Variants in SH2B3 observed in about 807,000 individuals in gnomAD.
SH2B3 encodes the protein SH2B adaptor protein 3, also known as SH2B adapter protein 3.
A neutral mutation model predicts 51.9 loss-of-function variants in SH2B3; 43 were observed. That is an observed-to-expected ratio of 0.83 (90% CI 0.65 to 1.07). SH2B3 has a LOEUF of 1.07. Ranked by LOEUF, SH2B3 falls within the 50% of genes least tolerant of loss-of-function variation. The pLI is 0.00. For missense variants in SH2B3, 952 were observed against 834.3 expected, an observed-to-expected ratio of 1.14 and a Z score of -1.74; for synonymous variants, 396 against 376.0, an observed-to-expected ratio of 1.05 and a Z score of -0.62.
rs1480253582 is a variant in SH2B3, at chr12:111,429,240, G to C, written c.732+10363G>C. Among the ~76,000 whole-genome samples the C allele has an allele frequency of 6.6e-6, 1 of 152,210 alleles. No individual in the cohort carries two copies. The highest frequency in any genetic ancestry group is 2.4e-5 in the African/African-American group (1 of 41,448). ...CCAGGATCAACTGAGTGCTGTCTGG[G>C]AAGCACCTAGAGCTGTGCCCAACAC... On this transcript the variant is annotated intron_variant, in intron 2 of 7. Transcript: ENST00000341259. The surrounding 1 kb of genome is among the most constrained non-coding windows in gnomAD (Gnocchi z 4.4).
intron 2 of SH2B3, among the ~76,000 whole-genome samples, chr12:111,441,737 A>G (rs753528427): frequency 3.9e-5 from 6 of 152,102 alleles, no homozygotes; most frequent in Non-Finnish European, 5.9e-5. Flanking sequence ...GACTTCTCAG[A>G]GTCTTTAATG....
At chr12:111,412,707 C>A (rs1013772551) in intron 1 of SH2B3, among the ~76,000 whole-genome samples, 3 of 152,202 alleles carry the variant, frequency 2.0e-5, no homozygotes, top group Admixed American at 2.0e-4. Context: ...GTAGCTGGGA[C>A]TACAGGCCCA....
At chr12:111,426,804 A>G (rs1671354600) in intron 2 of SH2B3, among the ~76,000 whole-genome samples, 1 of 152,132 alleles carries the variant, frequency 6.6e-6, no homozygotes, top group Admixed American at 6.6e-5. Flanking sequence ...AGATGAGGAA[A>G]CTGAGGCACT....
At chr12:111,417,718 A>T (rs1005108325) in intron 1 of SH2B3, among the ~76,000 whole-genome samples, 4 of 152,012 alleles carry the variant, frequency 2.6e-5, no homozygotes, top group African/African-American at 9.7e-5. Context: ...CAGCCTCCCA[A>T]AGTGCTGGGA....
In SH2B3 at chr12:111,418,490, G is replaced by T; in HGVS notation, c.345G>T (p.Leu115=). ...EPGPGPAAPG[L]PKARSSEELA... ...GCCCCGGCCCCGCCGCCCCTGGCCT[G>T]CCCAAGGCCCGCAGCTCTGAGGAGC... Residue 115 remains leucine, a synonymous_variant, in exon 2 of 8, where the codon CTG becomes CTT. Coordinates refer to ENST00000341259, the MANE Select transcript of SH2B3 (RefSeq NM_005475.3). This position sits in a 1 kb window ranked among gnomAD's most constrained non-coding sequence, Gnocchi z 6.7. 7.3e-7 allele frequency: 1 copy of T among 1,372,440 alleles called. No individual in the cohort carries two copies. The highest frequency in any genetic ancestry group is 9.4e-7 in the Non-Finnish European group (1 of 1,067,290). The allele number at this position is 1,372,440 out of a possible 1,614,324, so 85.0% of individuals were successfully genotyped here.
rs1383203505 is a variant in SH2B3, at chr12:111,406,535, G to A, written c.-28+258G>A. On this transcript the variant is annotated intron_variant, in intron 1 of 7. Transcript: ENST00000341259. The surrounding 1 kb of genome is among the most constrained non-coding windows in gnomAD (Gnocchi z 5.7). Reference sequence around the variant, plus strand: ...AACTGAGGCCGTGGGATGGGGGAGAGGGCATCGCTGACGCCCCCAGCCCAC... The same window carrying A: ...AACTGAGGCCGTGGGATGGGGGAGAAGGCATCGCTGACGCCCCCAGCCCAC... 2.6e-5 allele frequency among the ~76,000 whole-genome samples: 4 copies of A among 152,320 alleles called. No homozygotes were observed. In the South Asian group the frequency reaches 6.2e-4, roughly 24 times the overall value.
intron 2 of SH2B3, among the ~76,000 whole-genome samples, chr12:111,433,196 C>A (rs1429673671): frequency 1.3e-5 from 2 of 152,002 alleles, no homozygotes; most frequent in African/African-American, 4.8e-5. Context: ...TACTAAAAAT[C>A]AAAAATTAGC....
intron 1 of SH2B3, among the ~76,000 whole-genome samples, chr12:111,411,977 G>A (rs1024760814): frequency 6.6e-6 from 1 of 152,120 alleles, no homozygotes; most frequent in African/African-American, 2.4e-5. Flanking sequence ...GCCCCTCTGT[G>A]GGGAAGGTGG....
chr12:111,431,347 G>T (rs1031993468), intron 2 of SH2B3, among the ~76,000 whole-genome samples: 1 of 152,172 alleles, frequency 6.6e-6, no homozygotes, highest in African/African-American at 2.4e-5. Context: ...CACCTGGAAG[G>T]GGGCCCTGCC....
chr12:111,417,448 A>G (rs946074627), intron 1 of SH2B3, among the ~76,000 whole-genome samples: 9 of 145,786 alleles, frequency 6.2e-5, no homozygotes, highest in Admixed American at 1.3e-4. Context: ...TGCTTGTCAT[A>G]TAGGGCCTTT....
intron 2 of SH2B3, among the ~76,000 whole-genome samples, chr12:111,421,266 C>T (rs1320726803): frequency 6.6e-6 from 1 of 152,040 alleles, no homozygotes; most frequent in Non-Finnish European, 1.5e-5. Context: ...CCTCAGCCTC[C>T]CCAGTAGCTG....
intron 2 of SH2B3, chr12:111,434,681 ATAAT>A (rs1872714424): frequency 3.1e-6 from 2 of 643,814 alleles, no homozygotes. Context: ...GATCAGATAA[ATAAT>A]TATTTAGGTT....
chr12:111,421,920 A>T (rs1871593523), intron 2 of SH2B3, among the ~76,000 whole-genome samples: 1 of 152,236 alleles, frequency 6.6e-6, no homozygotes, highest in South Asian at 2.1e-4. Context: ...TAGAAGTGGC[A>T]TTGCTCAGTC....
At chr12:111,432,784 T>C (rs1427142785) in intron 2 of SH2B3, among the ~76,000 whole-genome samples, 1 of 152,256 alleles carries the variant, frequency 6.6e-6, no homozygotes, top group Non-Finnish European at 1.5e-5. Context: ...TGTGTCTGGC[T>C]TCCTTCACTT....
intron 2 of SH2B3, among the ~76,000 whole-genome samples, chr12:111,441,584 T>A (rs1873410858): frequency 6.6e-6 from 1 of 152,092 alleles, no homozygotes; most frequent in Non-Finnish European, 1.5e-5. Context: ...AGAGAATGGC[T>A]GAGACGCACC....
rs1324151676 is a variant in SH2B3 at position 111,447,688 on chromosome 12, G to A, written c.1269G>A (p.Gln423=). 3 of 1,613,598 alleles carry A rather than the reference G, an allele frequency of 1.9e-6. No homozygotes were observed. The highest frequency in any genetic ancestry group is 2.5e-6 in the Non-Finnish European group (3 of 1,179,814). Residue 423 remains glutamine (Q), a synonymous_variant, in exon 7 of 8, where the codon CAG becomes CAA. Coordinates refer to ENST00000341259, the MANE Select transcript of SH2B3 (RefSeq NM_005475.3). ...HLRLSLTERG[Q]CRVQHLHFPS... is the part of the protein sequence containing the mutation. Reference sequence around the variant, plus strand: ...GCCTGTCGCTGACAGAGCGGGGCCAGTGCCGTGTGCAGCACCTCCACTTTC... The same window carrying A: ...GCCTGTCGCTGACAGAGCGGGGCCAATGCCGTGTGCAGCACCTCCACTTTC...
At chr12:111,411,037 C>A (rs1237984973) in intron 1 of SH2B3, among the ~76,000 whole-genome samples, 1 of 152,040 alleles carries the variant, frequency 6.6e-6, no homozygotes, top group African/African-American at 2.4e-5. Context: ...AGGCTCTGGA[C>A]TGGCCCAATT....
chr12:111,418,173 T>TCGCCCTCTTCCG lies in SH2B3; in HGVS notation c.36_47dup (p.Ser13_Ser16dup), dbSNP rs1254306591. ...GAACGGGCCTGCCCTGCAGCCCTCC[T>TCGCCCTCTTCCG]CGCCCTCTTCCGCGCCCTCAGCCTC... is the stretch of plus-strand genomic sequence containing the variant. On this transcript the variant is annotated inframe_insertion, in exon 2 of 8. Coordinates refer to ENST00000341259, the MANE Select transcript of SH2B3 (RefSeq NM_005475.3). This position sits in a 1 kb window ranked among gnomAD's most constrained non-coding sequence, Gnocchi z 6.7. The TCGCCCTCTTCCG allele has an allele frequency of 5.8e-6, 9 of 1,552,226 alleles. No individual in the cohort carries two copies. Among genetic ancestry groups the TCGCCCTCTTCCG allele is most frequent in the Non-Finnish European group, 6.9e-6 (8 of 1,162,594 alleles).
chr12:111,418,669 G>C lies in SH2B3; in HGVS notation c.524G>C (p.Arg175Pro). Residue 175 changes from arginine (R) to proline (P), a missense_variant, in exon 2 of 8, where the codon CGG becomes CCG. Coordinates refer to ENST00000341259, the MANE Select transcript of SH2B3 (RefSeq NM_005475.3). The surrounding 1 kb of genome is among the most constrained non-coding windows in gnomAD (Gnocchi z 6.7). ...GGAGAGGCTGCTGAGACCCCCGCCCGGCCTGGCCTGGCCAAGAAGTTCCTG... is the reference window on the plus strand; with the variant it reads ...GGAGAGGCTGCTGAGACCCCCGCCCCGCCTGGCCTGGCCAAGAAGTTCCTG... The part of the protein sequence containing the change: ...TPGEAAETPA[R>P]PGLAKKFLPW... The C allele has an allele frequency of 2.0e-6, 3 of 1,487,560 alleles. No individual in the cohort carries two copies. The highest frequency in any genetic ancestry group is 2.7e-6 in the Non-Finnish European group (3 of 1,127,150). The allele number at this position is 1,487,560 out of a possible 1,614,324, so 92.1% of individuals were successfully genotyped here. A position where few individuals can be genotyped will look rare whatever the true frequency, so the allele number is the denominator to read the frequency against.
Sources: allele counts gnomAD v4.1 joint callset (sites outside exome capture counted in the v4.1 genomes callset), GRCh38; gene constraint gnomAD v4.1.1; non-coding constraint Gnocchi (gnomAD v3.1); transcripts MANE v1.5; gene names NCBI Gene and HGNC (gene_info 2026-07-23, HGNC 2026-07-21).